Variants in FLAD1 observed in about 807,000 individuals in gnomAD.
The protein encoded by FLAD1 is bifunctional FAD diphosphatase/FAD synthase.
FLAD1 carries 35 observed loss-of-function variants against 55.0 expected under a neutral mutation model. The ratio of observed to expected loss-of-function variants is 0.64; its 90% CI spans 0.49 to 0.84. The LOEUF is 0.84. Among genes scored for constraint, FLAD1 ranks in the 40% least tolerant of loss-of-function variants. The pLI is 0.00. For synonymous variants in FLAD1, 267 were observed against 303.0 expected (o/e 0.88, Z 1.23); for missense variants, 665 against 742.6 (o/e 0.90, Z 1.21).
rs143696046 is a variant in FLAD1, at chr1:154,983,504, G to C, written c.-191G>C. The C allele has an allele frequency of 3.1e-4, 164 of 525,090 alleles. No homozygotes were observed. Among genetic ancestry groups the C allele is most frequent in the African/African-American group, 2.8e-3 (149 of 52,772 alleles). The allele number at this position is 525,090 out of a possible 1,614,324, so 32.5% of individuals were successfully genotyped here. A position where few individuals can be genotyped will look rare whatever the true frequency, so the allele number is the denominator to read the frequency against. On this transcript the variant is annotated 5_prime_UTR_variant, in exon 1 of 7. Coordinates refer to ENST00000292180, the MANE Select transcript of FLAD1 (RefSeq NM_025207.5). ...GTAGAAAGAGACGGGATTTTGGTCC[G>C]GGGTGGAGAGCGAATGCATTGAAAA... is the stretch of plus-strand genomic sequence containing the variant.
chr1:154,988,585 T>C lies in FLAD1; in HGVS notation c.853T>C (p.Tyr285His), dbSNP rs764652706. The change falls in exon 2 of 7, where the codon TAT (tyrosine) becomes CAT (histidine). Residue 285 changes from tyrosine (Y) to histidine (H), a missense_variant. Transcript: ENST00000292180. The part of the protein sequence containing the change: ...PAVQFHSKEL[Y>H]VAADEASIAP... ...TGTTCAGTTCCACTCAAAGGAGCTATATGTGGCTGCTGATGAAGCCTCCAT... is the reference window on the plus strand; with the variant it reads ...TGTTCAGTTCCACTCAAAGGAGCTACATGTGGCTGCTGATGAAGCCTCCAT... 7.4e-6 allele frequency: 12 copies of C among 1,614,104 alleles called. No individual in the cohort carries two copies. The highest frequency in any genetic ancestry group is 6.7e-5 in the East Asian group (3 of 44,904).
Position 154,983,634 on chromosome 1 carries a change from G to T in FLAD1, c.-61G>T, listed in dbSNP as rs1332190647. 6.6e-7 allele frequency: 1 copy of T among 1,525,760 alleles called. No homozygotes were observed. The highest frequency in any genetic ancestry group is 8.8e-7 in the Non-Finnish European group (1 of 1,133,296). The allele number at this position is 1,525,760 out of a possible 1,614,324, so 94.5% of individuals were successfully genotyped here. ...CAGCAAACGGAAGACACTTAAAGTGGTAGGTTCTCAAGAGAGAAGAAGTTT... is the reference window on the plus strand; with the variant it reads ...CAGCAAACGGAAGACACTTAAAGTGTTAGGTTCTCAAGAGAGAAGAAGTTT... On this transcript the variant is annotated 5_prime_UTR_variant, in exon 1 of 7. Transcript: ENST00000292180.
In FLAD1 at chr1:154,988,103, A is replaced by G; in HGVS notation, c.373-2A>G. The G allele has an allele frequency of 6.2e-7, 1 of 1,614,120 alleles. No homozygotes were observed. The highest frequency in any genetic ancestry group is 8.5e-7 in the Non-Finnish European group (1 of 1,180,014). ...GGCCTCATCTTCCCCTTCAACCCCC[A>G]GGGACACACTCAGGACACCAACACC... On this transcript the variant is annotated splice_acceptor_variant, in intron 1 of 6. Transcript: ENST00000292180. LOFTEE classifies it high-confidence loss of function.
chr1:154,985,043 T>A (rs1032863770), intron 1 of FLAD1, among the ~76,000 whole-genome samples: 15 of 137,310 alleles, frequency 1.1e-4, no homozygotes, highest in African/African-American at 3.9e-4. Flanking sequence ...TTTTTTTTTT[T>A]TTTTTTTTTT....
chr1:154,993,030 G>A lies in FLAD1; in HGVS notation c.1757G>A (p.Arg586His), dbSNP rs766627769. Residue 586 changes from arginine to histidine, a missense_variant, in exon 7 of 7, where the codon CGC (arginine) becomes CAC (histidine). Arg to His is a conservative substitution (Grantham distance 29). Coordinates refer to ENST00000292180, the MANE Select transcript of FLAD1 (RefSeq NM_025207.5). ...AACGAAGAAGAGGAGCGGAACTCCCGCACATGACCTCCCACCCTAGGAGGG... is the reference window on the plus strand; with the variant it reads ...AACGAAGAAGAGGAGCGGAACTCCCACACATGACCTCCCACCCTAGGAGGG... ...LENEEEERNSRT is the reference protein window; with the variant it reads ...LENEEEERNSHT 3.7e-6 allele frequency: 6 copies of A among 1,613,824 alleles called. No homozygotes were observed. The highest frequency in any genetic ancestry group is 1.7e-5 in the Admixed American group (1 of 60,002).
chr1:154,992,019 T>C (rs900962051), intron 5 of FLAD1, among the ~76,000 whole-genome samples: 8 of 151,754 alleles, frequency 5.3e-5, no homozygotes, highest in Non-Finnish European at 1.0e-4. Flanking sequence ...GGCGCATGCC[T>C]GTAATCCCAG....
chr1:154,990,274 G>A lies in FLAD1; in HGVS notation c.1364+17G>A. 6.2e-7 allele frequency: 1 copy of A among 1,613,884 alleles called. No individual in the cohort carries two copies. The highest frequency in any genetic ancestry group is 1.1e-5 in the South Asian group (1 of 91,080). ...TATCAAGAGGTACTAGGGGCCTGGA[G>A]GTTTGGGCTCCAAGAGAAGCTTGAC... On this transcript the variant is annotated intron_variant, in intron 4 of 6. Coordinates refer to ENST00000292180, the MANE Select transcript of FLAD1 (RefSeq NM_025207.5).
At chr1:154,989,134 GT>G in intron 2 of FLAD1, 1 of 691,698 alleles carries the variant, frequency 1.4e-6, no homozygotes, top group Admixed American at 3.1e-5. Flanking sequence ...CCTGCATGGG[GT>G]GATGAAAGGA....
intron 1 of FLAD1, among the ~76,000 whole-genome samples, chr1:154,986,725 T>C (rs1657629501): frequency 6.8e-6 from 1 of 148,006 alleles, no homozygotes; most frequent in Admixed American, 6.8e-5. Flanking sequence ...TTTTTTTTTT[T>C]TGAGACAAAG....
chr1:154,989,445 T>C (rs1657766656), intron 2 of FLAD1, 115 bp from the exon 3 acceptor site: 1 of 1,139,068 alleles, frequency 8.8e-7, no homozygotes, highest in African/African-American at 1.6e-5. Context: ...GTTTGGACTT[T>C]ATCCTCAGAA....
chr1:154,989,779 A>AG, intron 3 of FLAD1, 72 bp downstream of exon 3: 1 of 1,446,034 alleles, frequency 6.9e-7, no homozygotes, highest in South Asian at 1.5e-5. Context: ...GCAAGGAGAA[A>AG]GGGGGTGTAC....
rs1421842897 is a variant in FLAD1 at position 154,988,832 on chromosome 1, A to G, written c.1100A>G (p.Tyr367Cys). Residue 367 changes from tyrosine (Y) to cysteine (C), a missense_variant, in exon 2 of 7, where the codon TAC becomes TGC. Tyr to Cys is a radical substitution (Grantham distance 194, BLOSUM62 -2). Transcript: ENST00000292180. ...NAVEQASEAV[Y>C]KLAESGSSLG... ...GTGGAGCAGGCCAGTGAGGCTGTAT[A>G]CAAACTCGCTGAATCAGGTAGGGAC... 1.2e-6 allele frequency: 2 copies of G among 1,614,180 alleles called. No homozygotes were observed. Among genetic ancestry groups the G allele is most frequent in the Admixed American group, 1.7e-5 (1 of 60,028 alleles).
chr1:154,992,557 A>G lies in FLAD1; in HGVS notation c.1555-156A>G, dbSNP rs200926541. Reference sequence around the variant, plus strand: ...ATGAAGTCCTTCTCTTTCTCTTTGCATACATAGAGCAAGCTATACCAGAGA... The same window carrying G: ...ATGAAGTCCTTCTCTTTCTCTTTGCGTACATAGAGCAAGCTATACCAGAGA... On this transcript the variant is annotated intron_variant, in intron 5 of 6. Transcript: ENST00000292180. The G allele has an allele frequency of 1.2e-3, 1,964 of 1,612,976 alleles. 13 individuals are homozygous for G. In the Middle Eastern group the frequency reaches 0.018, roughly 15 times the overall value.
Position 154,983,350 on chromosome 1 carries a change from T to C in FLAD1, c.-345T>C, listed in dbSNP as rs1297476247. ...TAAGTACGGAAGCTGCCCCGGGACATGAGGAAAGGAACAAGGGAAAGAGCC... is the reference window on the plus strand; with the variant it reads ...TAAGTACGGAAGCTGCCCCGGGACACGAGGAAAGGAACAAGGGAAAGAGCC... On this transcript the variant is annotated 5_prime_UTR_variant, in exon 1 of 7. It removes an upstream start codon present in the reference 5' UTR. Coordinates refer to ENST00000292180, the MANE Select transcript of FLAD1 (RefSeq NM_025207.5). 1.0e-5 allele frequency: 2 copies of C among 193,718 alleles called. No homozygotes were observed. The highest frequency in any genetic ancestry group is 1.3e-4 in the East Asian group (1 of 7,978). The allele number at this position is 193,718 out of a possible 1,614,324, so 12.0% of individuals were successfully genotyped here.
In FLAD1 at chr1:154,983,956, G is replaced by C; in HGVS notation, c.262G>C (p.Ala88Pro). ...LFGGLGGYWR[A>P]LQRGREGRTM... ...TGGGGGTCTGGGTGGCTACTGGAGG[G>C]CCTTGCAGAGGGGCAGAGAAGGCAG... Residue 88 changes from alanine (A) to proline (P), a missense_variant, in exon 1 of 7, where the codon GCC becomes CCC. Transcript: ENST00000292180. The C allele has an allele frequency of 1.3e-6, 2 of 1,585,024 alleles. No homozygotes were observed. Among genetic ancestry groups the C allele is most frequent in the Non-Finnish European group, 1.7e-6 (2 of 1,164,800 alleles).
In FLAD1 at chr1:154,993,065, C is replaced by T; in HGVS notation, c.*28C>T. ...TCCCACCCTAGGAGGGAGGGAAGGA[C>T]ACCGTCCTAGGGTATAACCTGGCAA... On this transcript the variant is annotated 3_prime_UTR_variant, in exon 7 of 7. Coordinates refer to ENST00000292180, the MANE Select transcript of FLAD1 (RefSeq NM_025207.5). 1.2e-6 allele frequency: 2 copies of T among 1,606,852 alleles called. No individual in the cohort carries two copies. The highest frequency in any genetic ancestry group is 1.7e-6 in the Non-Finnish European group (2 of 1,173,850).
At chr1:154,989,116 C>A in intron 2 of FLAD1, 1 of 766,804 alleles carries the variant, frequency 1.3e-6, no homozygotes, top group Non-Finnish European at 2.0e-6. Context: ...GGACATTAAA[C>A]AGGTGATCCT....
At chr1:154,988,061 A>G (rs752970809) in intron 1 of FLAD1, 44 bp from the exon 2 acceptor site, 1 of 1,613,848 alleles carries the variant, frequency 6.2e-7, no homozygotes, top group Non-Finnish European at 8.5e-7. Flanking sequence ...CCTCCCCTTC[A>G]TCCCTACAGT....
chr1:154,986,552 TTTC>T (rs1184746969), intron 1 of FLAD1, among the ~76,000 whole-genome samples: 3 of 152,116 alleles, frequency 2.0e-5, no homozygotes, highest in South Asian at 2.1e-4. Context: ...TGGCACTTTT[TTTC>T]TTCTTTAAAA....
Sources: gnomAD v4.1 joint callset for allele counts (sites outside exome capture counted in the v4.1 genomes callset) on GRCh38, gnomAD v4.1.1 for gene constraint, MANE v1.5 for transcripts, NCBI Gene and HGNC (gene_info 2026-07-23, HGNC 2026-07-21) for gene names.